Variants in RAI14 observed in about 807,000 individuals in gnomAD.
RAI14 encodes ankycorbin.
In RAI14, 45 loss-of-function variants were observed where a neutral mutation model predicts 115.4. That is an observed-to-expected ratio of 0.39 (90% CI 0.31 to 0.50). RAI14 has a LOEUF of 0.50. Ranked by LOEUF, RAI14 falls within the 20% of genes least tolerant of loss-of-function variation. The pLI is 0.85. For synonymous variants in RAI14, 371 were observed against 415.4 expected, an observed-to-expected ratio of 0.89 and a Z score of 1.30; for missense variants, 939 against 1,131.2, an observed-to-expected ratio of 0.83 and a Z score of 2.44.
At chr5:34,748,323 C>T (rs1005870200) in intron 2 of RAI14, among the ~76,000 whole-genome samples, 7 of 152,162 alleles carry the variant, frequency 4.6e-5, no homozygotes, top group Admixed American at 2.0e-4. Context: ...TCTGAAGTAA[C>T]GAACATTATC....
At chr5:34,785,601 C>T (rs773986031) in intron 3 of RAI14, among the ~76,000 whole-genome samples, 7 of 152,106 alleles carry the variant, frequency 4.6e-5, no homozygotes, top group Non-Finnish European at 1.0e-4. Flanking sequence ...ACGTGGACGG[C>T]CAGTGCTGTA....
At chr5:34,753,774 C>T (rs951151243) in intron 2 of RAI14, among the ~76,000 whole-genome samples, 21 of 152,058 alleles carry the variant, frequency 1.4e-4, no homozygotes, top group Admixed American at 8.5e-4. Flanking sequence ...ATTAGCTGGG[C>T]GTGGTGGCAT....
intron 1 of RAI14, 29 bp from the exon 2 acceptor site, chr5:34,686,843 C>G (rs1309976928): frequency 8.3e-6 from 12 of 1,449,466 alleles, no homozygotes; most frequent in Non-Finnish European, 1.2e-5. Context: ...ATTTGGAAAC[C>G]TACATATGTC....
chr5:34,770,892 A>G (rs1750067209), intron 3 of RAI14, among the ~76,000 whole-genome samples: 1 of 152,236 alleles, frequency 6.6e-6, no homozygotes, highest in Non-Finnish European at 1.5e-5. Context: ...TCTCTCCAGA[A>G]AGACATCATA....
Position 34,824,324 on chromosome 5 carries a change from G to C in RAI14, c.2482G>C (p.Val828Leu). ...AGAGGTTGTCCAGATTAGAAGTGAG[G>C]TCTCACAGGTGAAAAGAGAAAAGGA... ...HSEVVQIRSE[V>L]SQVKREKENI... The change falls in exon 15 of 18, where the codon GTC (valine) becomes CTC (leucine). Residue 828 changes from valine to leucine, a missense_variant. Coordinates refer to ENST00000265109, the MANE Select transcript of RAI14 (RefSeq NM_015577.3). 1 of 1,614,050 alleles carries C rather than the reference G, an allele frequency of 6.2e-7. No individual in the cohort carries two copies. Among genetic ancestry groups the C allele is most frequent in the Non-Finnish European group, 8.5e-7 (1 of 1,179,972 alleles).
At chr5:34,705,076 A>T (rs1253175169) in intron 2 of RAI14, among the ~76,000 whole-genome samples, 4 of 152,146 alleles carry the variant, frequency 2.6e-5, no homozygotes, top group Non-Finnish European at 2.9e-5. Flanking sequence ...CTATGGACAC[A>T]TGCCACCATG....
At chr5:34,786,587 G>C (rs1281218371) in intron 3 of RAI14, among the ~76,000 whole-genome samples, 1 of 152,146 alleles carries the variant, frequency 6.6e-6, no homozygotes, top group Non-Finnish European at 1.5e-5. Flanking sequence ...GCCCACACTT[G>C]TCCAGTTGTT....
In RAI14 at chr5:34,811,945, G is replaced by A. The variant is rs777669442; in HGVS notation, c.736G>A (p.Asp246Asn). The change falls in exon 9 of 18, where the codon GAT (aspartate) becomes AAT (asparagine). Residue 246 changes from aspartate (D) to asparagine (N), a missense_variant and splice_region_variant. Asp to Asn is a conservative substitution (Grantham distance 23, BLOSUM62 1). Transcript: ENST00000265109. ...ATTATCAAAAATCTCTCAGGATGCTGGTATGTAAAAGAAAATAGCCAATGT... is the reference window on the plus strand; with the variant it reads ...ATTATCAAAAATCTCTCAGGATGCTAGTATGTAAAAGAAAATAGCCAATGT... ...LLLSKISQDA[D>N]LKTPTKPKQH... is the part of the protein sequence containing the mutation. The A allele has an allele frequency of 3.1e-6, 5 of 1,603,702 alleles. No homozygotes were observed. The highest frequency in any genetic ancestry group is 1.3e-5 in the African/African-American group (1 of 74,224).
At chr5:34,722,415 G>A (rs1167487894) in intron 2 of RAI14, among the ~76,000 whole-genome samples, 1 of 151,854 alleles carries the variant, frequency 6.6e-6, no homozygotes, top group Non-Finnish European at 1.5e-5. Flanking sequence ...CCTGCTGGGT[G>A]ACACTTTGAT....
At chr5:34,688,168 ACCT>A (rs2149888410) in intron 2 of RAI14, 2 of 1,541,512 alleles carry the variant, frequency 1.3e-6, no homozygotes, top group Non-Finnish European at 1.7e-6. Context: ...CTTCCGAGAA[ACCT>A]CCTTCAACCT....
chr5:34,764,503 A>T (rs1293151016), intron 3 of RAI14, among the ~76,000 whole-genome samples: 2 of 151,766 alleles, frequency 1.3e-5, no homozygotes, highest in African/African-American at 4.8e-5. Context: ...CATTATAGGT[A>T]GGCTGAGGAA....
At chr5:34,733,752 C>T (rs535671414) in intron 2 of RAI14, among the ~76,000 whole-genome samples, 2 of 152,332 alleles carry the variant, frequency 1.3e-5, no homozygotes, top group South Asian at 4.1e-4. Context: ...GGTGAATGAA[C>T]ACCTCTCTGC....
At chr5:34,755,088 C>G (rs537850186) in intron 2 of RAI14, among the ~76,000 whole-genome samples, 1 of 151,804 alleles carries the variant, frequency 6.6e-6, no homozygotes, top group Admixed American at 6.6e-5. Context: ...CCTAAATGTT[C>G]TTCCCTTTTT....
chr5:34,664,235 A>G lies in RAI14; in HGVS notation c.-49+7760A>G, dbSNP rs543792012. On this transcript the variant is annotated intron_variant, in intron 1 of 17. Transcript: ENST00000265109. Reference sequence around the variant, plus strand: ...CCAGGCACAGTGGCTGCTGCCTGTAATCCAAGCCCTTTGAGAGGCTGAGGA... The same window carrying G: ...CCAGGCACAGTGGCTGCTGCCTGTAGTCCAAGCCCTTTGAGAGGCTGAGGA... Among the ~76,000 whole-genome samples, 5 of 151,890 alleles carry G rather than the reference A, an allele frequency of 3.3e-5. No homozygotes were observed. The East Asian group carries it at 9.7e-4, about 29-fold the overall frequency.
At chr5:34,746,298 G>A (rs1040137643) in intron 2 of RAI14, among the ~76,000 whole-genome samples, 3 of 151,610 alleles carry the variant, frequency 2.0e-5, no homozygotes, top group Admixed American at 1.3e-4. Flanking sequence ...GTAGAGACGG[G>A]GTTTCACTGT....
intron 2 of RAI14, among the ~76,000 whole-genome samples, chr5:34,751,291 C>T (rs1001264503): frequency 3.3e-5 from 5 of 151,388 alleles, no homozygotes; most frequent in South Asian, 2.1e-4. Context: ...TATAGGTGCC[C>T]GCCATGCCTG....
At chr5:34,688,023 G>A in intron 2 of RAI14, 1 of 1,359,650 alleles carries the variant, frequency 7.4e-7, no homozygotes. Flanking sequence ...AGAAAGAACT[G>A]GGAAGCGTTA....
At chr5:34,765,212 A>G (rs1159284310) in intron 3 of RAI14, among the ~76,000 whole-genome samples, 1 of 152,182 alleles carries the variant, frequency 6.6e-6, no homozygotes, top group Non-Finnish European at 1.5e-5. Context: ...GTAAATTGGT[A>G]CCAGTAGAGT....
intron 2 of RAI14, among the ~76,000 whole-genome samples, chr5:34,691,573 G>A (rs1452159915): frequency 6.6e-6 from 1 of 152,162 alleles, no homozygotes; most frequent in Non-Finnish European, 1.5e-5. Flanking sequence ...GAATTTCTTT[G>A]TAGATGCCAA....
Sources: allele counts gnomAD v4.1 joint callset (sites outside exome capture counted in the v4.1 genomes callset), GRCh38; gene constraint gnomAD v4.1.1; transcripts MANE v1.5; gene names NCBI Gene and HGNC (gene_info 2026-07-23, HGNC 2026-07-21).